Variants in SRGAP3 observed in about 807,000 individuals in gnomAD.
SRGAP3 encodes SLIT-ROBO Rho GTPase-activating protein 3.
A neutral mutation model predicts 121.1 loss-of-function variants in SRGAP3; 39 were observed. The ratio of observed to expected loss-of-function variants is 0.32; its 90% CI spans 0.25 to 0.42. The LOEUF (loss-of-function observed/expected upper bound fraction) is 0.42, where lower values mean the gene tolerates loss of function less well. Ranked by LOEUF, SRGAP3 falls within the 10% of genes least tolerant of loss-of-function variation. SRGAP3 has a pLI of 1.00. For synonymous variants in SRGAP3, 601 were observed against 570.0 expected (o/e 1.05, Z -0.77); for missense variants, 1,213 against 1,470.6 (o/e 0.82, Z 2.86).
intron 3 of SRGAP3, among the ~76,000 whole-genome samples, chr3:9,295,850 T>C (rs765934774): frequency 6.6e-6 from 1 of 152,340 alleles, no homozygotes; most frequent in Admixed American, 6.5e-5. Context: ...TTTCTCTATG[T>C]ATTTGACTAA....
intron 7 of SRGAP3, 94 bp from the exon 8 acceptor site, chr3:9,056,428 G>T: frequency 7.5e-7 from 1 of 1,337,180 alleles, no homozygotes; most frequent in Non-Finnish European, 1.0e-6. Context: ...CCCAATCACA[G>T]TCCAGGAAAC....
rs1954884969 is a variant in SRGAP3 at position 9,292,415 on chromosome 3, AGCCTTCTCT to A, written n.442+33586_442+33594del. Among the ~76,000 whole-genome samples the A allele has an allele frequency of 2.0e-5, 3 of 152,282 alleles. No individual in the cohort carries two copies. In the South Asian group the frequency reaches 6.2e-4, roughly 32 times the overall value. ...GTCCTTCCTTTTCTGCCCTCCATGA[AGCCTTCTCT>A]GCCTTCTCTATCCACCTTACACTTC... On this transcript the variant is annotated intron_variant and non_coding_transcript_variant, in intron 3 of 3. Coordinates refer to the SRGAP3 transcript ENST00000490889.
At chr3:9,345,837 G>A (rs1283889277) in intron 1 of SRGAP3, among the ~76,000 whole-genome samples, 5 of 148,536 alleles carry the variant, frequency 3.4e-5, no homozygotes, top group African/African-American at 1.2e-4. Flanking sequence ...GAGAACAGAA[G>A]AGCAGAGAAG....
chr3:9,209,988 T>C (rs1204216517), intron 1 of SRGAP3, among the ~76,000 whole-genome samples: 2 of 152,146 alleles, frequency 1.3e-5, no homozygotes, highest in African/African-American at 4.8e-5. Flanking sequence ...TATGGATCTA[T>C]GTTACCACAT....
intron 3 of SRGAP3, among the ~76,000 whole-genome samples, chr3:9,299,639 G>C (rs1955015102): frequency 6.6e-6 from 1 of 152,204 alleles, no homozygotes; most frequent in Admixed American, 6.5e-5. Flanking sequence ...GCCAGGTGAG[G>C]TGGCTCACGC....
chr3:9,023,786 C>T (rs1345679495), intron 14 of SRGAP3, among the ~76,000 whole-genome samples: 3 of 152,162 alleles, frequency 2.0e-5, no homozygotes. Flanking sequence ...CTGGGGCTCC[C>T]TGGTTCTAAG....
rs778388441 is a variant in SRGAP3, at chr3:8,990,651, G to A, written c.2747C>T (p.Thr916Met). 55 of 1,613,656 alleles carry A rather than the reference G, an allele frequency of 3.4e-5. No homozygotes were observed. In the East Asian group the frequency reaches 7.6e-4, roughly 22 times the overall value. Reference sequence around the variant, plus strand: ...GTTGATGCTGCCAGCGCTCCCGAACGTCGCCATCCTCCGCTTCTCAGGGCT... The same window carrying A: ...GTTGATGCTGCCAGCGCTCCCGAACATCGCCATCCTCCGCTTCTCAGGGCT... ...IESPEKRRMATFGSAGSINYP... is the reference protein window; with the variant it reads ...IESPEKRRMAMFGSAGSINYP... Residue 916 changes from threonine (T) to methionine (M), a missense_variant, in exon 21 of 22, where the codon ACG becomes ATG. Around this residue, in one of 2 missense-constraint regions of SRGAP3, gnomAD observed 420 missense variants for 437.7 expected, o/e 0.96. Coordinates refer to ENST00000383836, the MANE Select transcript of SRGAP3 (RefSeq NM_014850.4).
intron 3 of SRGAP3, among the ~76,000 whole-genome samples, chr3:9,273,394 T>C (rs895628934): frequency 1.3e-5 from 2 of 152,222 alleles, no homozygotes; most frequent in South Asian, 4.1e-4. Flanking sequence ...TTATGTATCT[T>C]CTTTCAAAAA....
chr3:9,255,822 T>A (rs1954119860), intron 3 of SRGAP3, among the ~76,000 whole-genome samples: 1 of 152,218 alleles, frequency 6.6e-6, no homozygotes, highest in African/African-American at 2.4e-5. Context: ...CCAGCCTTGA[T>A]ACTTATAAAG....
rs369802430 is a variant in SRGAP3, at chr3:9,029,976, A to G, written c.1539+2674T>C. On this transcript the variant is annotated intron_variant, in intron 12 of 21. Coordinates refer to ENST00000383836, the MANE Select transcript of SRGAP3 (RefSeq NM_014850.4). ...AACAACATGGTAAGATCCTGTCTCT[A>G]CAAAAAAAAAAAAAATTATTTTTTA... Among the ~76,000 whole-genome samples, 236 of 91,556 alleles carry G rather than the reference A, an allele frequency of 2.6e-3. 1 individual carries two copies. Among genetic ancestry groups the G allele is most frequent in the African/African-American group, 0.011 (184 of 17,492 alleles). 60.1% of individuals were successfully genotyped at this position (91,556 alleles called of 152,430 possible).
At chr3:9,171,309 G>T (rs1024498902) in intron 1 of SRGAP3, among the ~76,000 whole-genome samples, 1 of 152,262 alleles carries the variant, frequency 6.6e-6, no homozygotes, top group African/African-American at 2.4e-5. Flanking sequence ...CGCATGGGAA[G>T]AGGGTGAGGC....
At chr3:9,065,989 G>C (rs1249867133) in intron 4 of SRGAP3, among the ~76,000 whole-genome samples, 1 of 152,022 alleles carries the variant, frequency 6.6e-6, no homozygotes, top group Non-Finnish European at 1.5e-5. Context: ...AATAGAGACG[G>C]GGTTTTGCCA....
intron 1 of SRGAP3, among the ~76,000 whole-genome samples, chr3:9,203,491 G>C (rs192549830): frequency 1.3e-5 from 2 of 152,210 alleles, no homozygotes; most frequent in Non-Finnish European, 2.9e-5. Context: ...CCATCCCTCA[G>C]ACCCTAGCCT....
chr3:9,348,654 G>C, intron 1 of SRGAP3: 1 of 1,077,282 alleles, frequency 9.3e-7, no homozygotes, highest in Non-Finnish European at 1.4e-6. Flanking sequence ...GACAGTGCTA[G>C]ATGCCATTGA....
chr3:9,053,254 C>A, intron 8 of SRGAP3, 30 bp from the exon 9 acceptor site: 1 of 1,603,492 alleles, frequency 6.2e-7, no homozygotes, highest in Non-Finnish European at 8.5e-7. Context: ...TGACAAAAAT[C>A]CTGTATTCTC....
intron 14 of SRGAP3, among the ~76,000 whole-genome samples, chr3:9,023,429 T>C (rs979262937): frequency 1.3e-5 from 2 of 152,198 alleles, no homozygotes; most frequent in African/African-American, 4.8e-5. Flanking sequence ...TTGCACATGC[T>C]GTTCTCTTGG....
intron 3 of SRGAP3, among the ~76,000 whole-genome samples, chr3:9,314,633 C>T (rs1011530395): frequency 1.3e-5 from 2 of 150,096 alleles, no homozygotes; most frequent in South Asian, 2.1e-4. Context: ...ATGTGTCCAG[C>T]CTGCCCTCCT....
intron 1 of SRGAP3, among the ~76,000 whole-genome samples, chr3:9,361,218 T>G (rs1374797198): frequency 6.6e-6 from 1 of 152,198 alleles, no homozygotes; most frequent in Non-Finnish European, 1.5e-5. Flanking sequence ...TTCTCCTGTC[T>G]CAGCCTCCCG....
intron 1 of SRGAP3, among the ~76,000 whole-genome samples, chr3:9,332,044 G>C (rs1338105347): frequency 6.6e-6 from 1 of 152,168 alleles, no homozygotes; most frequent in Non-Finnish European, 1.5e-5. Context: ...AAGTCATTGA[G>C]GTGCCTATGC....
Sources: gnomAD v4.1 joint callset for allele counts (sites outside exome capture counted in the v4.1 genomes callset) on GRCh38, gnomAD v4.1.1 for gene constraint, gnomAD v4.1.1 regional missense constraint, MANE v1.5 for transcripts, NCBI Gene and HGNC (gene_info 2026-07-23, HGNC 2026-07-21) for gene names.